The following PTPRN2 variants were observed in gnomAD, a reference collection of about 807,000 sequenced individuals.
The protein encoded by PTPRN2 is receptor-type tyrosine-protein phosphatase N2.
PTPRN2 carries 74 observed loss-of-function variants against 118.8 expected under a neutral mutation model. That is an observed-to-expected ratio of 0.62 (90% CI 0.52 to 0.76). The LOEUF is 0.76. Ranked by LOEUF, PTPRN2 falls within the 30% of genes least tolerant of loss-of-function variation. The pLI, the probability that PTPRN2 is intolerant of heterozygous loss-of-function variation, is 0.00. For missense variants in PTPRN2, 1,481 were observed against 1,394.4 expected (o/e 1.06, Z -0.99); for synonymous variants, 641 against 608.0 (o/e 1.05, Z -0.80).
chr7:158,149,139 C>T (rs1820603774), intron 6 of PTPRN2, among the ~76,000 whole-genome samples: 9 of 151,232 alleles, frequency 6.0e-5, no homozygotes, highest in East Asian at 1.9e-4. Flanking sequence ...CATCTCACGC[C>T]ACGTGTCTTT....
chr7:158,188,085 C>T (rs536236281), intron 5 of PTPRN2, among the ~76,000 whole-genome samples: 22 of 152,134 alleles, frequency 1.4e-4, no homozygotes, highest in African/African-American at 5.3e-4. Flanking sequence ...AGATGAACCC[C>T]CAGTGGCCCC....
chr7:157,604,587 G>A (rs914584126), intron 15 of PTPRN2, among the ~76,000 whole-genome samples: 10 of 152,176 alleles, frequency 6.6e-5, no homozygotes, highest in Non-Finnish European at 7.4e-5. Context: ...AATCGCCCGC[G>A]TTTCAAAATA....
rs1191267551 is a variant in PTPRN2, at chr7:157,874,826, CAG to C, written c.1788+23845_1788+23846del. On this transcript the variant is annotated intron_variant, in intron 12 of 22. Coordinates refer to ENST00000389418, the MANE Select transcript of PTPRN2 (RefSeq NM_002847.5). This position sits in a 1 kb window ranked among gnomAD's most constrained non-coding sequence, Gnocchi z 5.8. ...ACAGAGACACACTCATGGACACACA[CAG>C]AGACACACTCATGCACATATACACA... Among the ~76,000 whole-genome samples the C allele has an allele frequency of 4.6e-5, 7 of 151,630 alleles. No individual in the cohort carries two copies. The highest frequency in any genetic ancestry group is 2.1e-4 in the South Asian group (1 of 4,778).
At chr7:158,356,011 G>A (rs1442409280) in intron 2 of PTPRN2, among the ~76,000 whole-genome samples, 2 of 152,132 alleles carry the variant, frequency 1.3e-5, no homozygotes, top group African/African-American at 4.8e-5. Context: ...CTCAATCAAA[G>A]CTTTTTTATT....
rs573824268 is a variant in PTPRN2, at chr7:157,874,468, C to A, written c.1788+24205G>T. Among the ~76,000 whole-genome samples the A allele has an allele frequency of 6.6e-6, 1 of 152,364 alleles. No homozygotes were observed. Among genetic ancestry groups the A allele is most frequent in the East Asian group, 1.9e-4 (1 of 5,188 alleles). On this transcript the variant is annotated intron_variant, in intron 12 of 22. Coordinates refer to ENST00000389418, the MANE Select transcript of PTPRN2 (RefSeq NM_002847.5). The surrounding 1 kb of genome is among the most constrained non-coding windows in gnomAD (Gnocchi z 5.8). ...TGTCCACATGGCCCCAGCCACAGTGCCTTCCTGCCAGCCAACCATGTTCAC... is the reference window on the plus strand; with the variant it reads ...TGTCCACATGGCCCCAGCCACAGTGACTTCCTGCCAGCCAACCATGTTCAC...
At chr7:157,815,882 G>A (rs750467624) in intron 12 of PTPRN2, among the ~76,000 whole-genome samples, 8 of 152,352 alleles carry the variant, frequency 5.3e-5, no homozygotes, top group Middle Eastern at 3.4e-3. Flanking sequence ...TGCAGACATC[G>A]CTGTGCTTCA....
intron 2 of PTPRN2, among the ~76,000 whole-genome samples, chr7:158,471,057 C>T (rs866049566): frequency 7.2e-5 from 11 of 152,166 alleles, no homozygotes; most frequent in Middle Eastern, 3.4e-3. Flanking sequence ...TTAGTGGAGA[C>T]GGGGTTTCAC....
At chr7:157,984,928 C>T (rs565522064) in intron 11 of PTPRN2, among the ~76,000 whole-genome samples, 1 of 152,294 alleles carries the variant, frequency 6.6e-6, no homozygotes, top group East Asian at 1.9e-4. Flanking sequence ...TAGAGGCCTC[C>T]TGGCTTCCCC....
chr7:157,696,461 C>T (rs1438369368), intron 12 of PTPRN2, among the ~76,000 whole-genome samples: 19 of 145,050 alleles, frequency 1.3e-4, no homozygotes, highest in Non-Finnish European at 2.9e-4. Flanking sequence ...GAGCCCTCAC[C>T]ATCTACCCAT....
intron 4 of PTPRN2, among the ~76,000 whole-genome samples, chr7:158,196,087 A>C (rs1826188509): frequency 6.6e-6 from 1 of 152,182 alleles, no homozygotes; most frequent in South Asian, 2.1e-4. Flanking sequence ...TGAGGTTTGC[A>C]AGTCTTGATA....
chr7:158,403,789 G>A (rs1813133298), intron 2 of PTPRN2, among the ~76,000 whole-genome samples: 1 of 152,204 alleles, frequency 6.6e-6, no homozygotes, highest in South Asian at 2.1e-4. Flanking sequence ...GATTCCCCCA[G>A]AGTTCTGAAA....
chr7:158,318,198 G>A (rs930209995), intron 2 of PTPRN2, among the ~76,000 whole-genome samples: 3 of 152,218 alleles, frequency 2.0e-5, no homozygotes, highest in Non-Finnish European at 4.4e-5. Context: ...CGGGAACACA[G>A]GCAGATGTGC....
At chr7:157,943,284 T>C (rs1221583246) in intron 11 of PTPRN2, among the ~76,000 whole-genome samples, 4 of 152,060 alleles carry the variant, frequency 2.6e-5, no homozygotes, top group Non-Finnish European at 4.4e-5. Context: ...GCTAGGAAAA[T>C]GTCTTACTCT....
At position 157,617,252 on chromosome 7, in the gene PTPRN2, C is replaced by A; in HGVS notation, c.2344+4110G>T. Reference sequence around the variant, plus strand: ...GCAGAGCACGGGGGACGCTGGCTCACGATGCCCCAGTGATGCCGTGGTTAG... The same window carrying A: ...GCAGAGCACGGGGGACGCTGGCTCAAGATGCCCCAGTGATGCCGTGGTTAG... On this transcript the variant is annotated intron_variant, in intron 15 of 22. Transcript: ENST00000389418. The surrounding 1 kb of genome is among the most constrained non-coding windows in gnomAD (Gnocchi z 7.5). The A allele has an allele frequency of 6.7e-6, 1 of 149,750 alleles. No individual in the cohort carries two copies. The highest frequency in any genetic ancestry group is 2.1e-4 in the East Asian group (1 of 4,844). The allele number at this position is 149,750 out of a possible 1,614,324, so 9.3% of individuals were successfully genotyped here.
At chr7:157,878,186 C>T (rs767292413) in intron 12 of PTPRN2, among the ~76,000 whole-genome samples, 9 of 152,264 alleles carry the variant, frequency 5.9e-5, no homozygotes, top group African/African-American at 2.2e-4. Context: ...CTGTGGTCCA[C>T]GGGAGACCTC....
chr7:158,511,541 C>G (rs941613094), intron 1 of PTPRN2, among the ~76,000 whole-genome samples: 2 of 152,220 alleles, frequency 1.3e-5, no homozygotes, highest in African/African-American at 4.8e-5. Context: ...GGTGCCATCC[C>G]TCCCATACCT....
intron 2 of PTPRN2, among the ~76,000 whole-genome samples, chr7:158,375,249 G>A (rs1344687404): frequency 6.6e-6 from 1 of 152,232 alleles, no homozygotes; most frequent in African/African-American, 2.4e-5. Flanking sequence ...TGCCCACAGG[G>A]CATCAGCAGA....
chr7:157,842,481 C>G (rs529314461), intron 12 of PTPRN2, among the ~76,000 whole-genome samples: 2 of 134,496 alleles, frequency 1.5e-5, no homozygotes, highest in African/African-American at 2.8e-5. Flanking sequence ...GTGGCATGAT[C>G]TTGGCTCACC....
chr7:158,059,158 C>T (rs1318195903), intron 11 of PTPRN2, among the ~76,000 whole-genome samples: 2 of 121,776 alleles, frequency 1.6e-5, no homozygotes, highest in African/African-American at 8.0e-5. Context: ...ACTGCAGCCA[C>T]ACTCCATCTG....
Sources: allele counts gnomAD v4.1 joint callset (sites outside exome capture counted in the v4.1 genomes callset), GRCh38; gene constraint gnomAD v4.1.1; non-coding constraint Gnocchi (gnomAD v3.1); transcripts MANE v1.5; gene names NCBI Gene and HGNC (gene_info 2026-07-23, HGNC 2026-07-21).